Variants in TNS3 observed in about 807,000 individuals in gnomAD.
TNS3 encodes tensin-3.
A neutral mutation model predicts 140.9 loss-of-function variants in TNS3; 45 were observed. The ratio of observed to expected loss-of-function variants is 0.32; its 90% CI spans 0.25 to 0.41. The LOEUF is 0.41. Ranked by LOEUF, TNS3 falls within the 10% of genes least tolerant of loss-of-function variation. TNS3 has a pLI of 1.00. For missense variants in TNS3, 1,716 were observed against 1,906.7 expected, an observed-to-expected ratio of 0.90 and a Z score of 1.86; for synonymous variants, 815 against 788.4, an observed-to-expected ratio of 1.03 and a Z score of -0.56.
chr7:47,324,508 T>G (rs1452339277), intron 20 of TNS3, among the ~76,000 whole-genome samples: 1 of 152,130 alleles, frequency 6.6e-6, no homozygotes, highest in African/African-American at 2.4e-5. Context: ...TCCCAGCACT[T>G]TAGGAGGCGG....
At chr7:47,320,106 T>A (rs1230040194) in intron 20 of TNS3, among the ~76,000 whole-genome samples, 3 of 152,202 alleles carry the variant, frequency 2.0e-5, no homozygotes, top group Non-Finnish European at 4.4e-5. Context: ...ACATAAGTTA[T>A]CTTTATAAAT....
Position 47,327,151 on chromosome 7 carries a change from G to A in TNS3, c.2650+17604C>T, listed in dbSNP as rs144505587. On this transcript the variant is annotated intron_variant, in intron 20 of 30. Coordinates refer to ENST00000311160, the MANE Select transcript of TNS3 (RefSeq NM_022748.12). ...GCTGACTCTCCCAGGGTCCCACAGA[G>A]CCCCAGCCCCAGTTCAGACATTTGG... is the stretch of plus-strand genomic sequence containing the variant. Among the ~76,000 whole-genome samples the A allele has an allele frequency of 3.7e-3, 570 of 152,352 alleles. 2 individuals are homozygous for A. Among genetic ancestry groups the A allele is most frequent in the Admixed American group, 6.8e-3 (104 of 15,306 alleles).
intron 16 of TNS3, among the ~76,000 whole-genome samples, chr7:47,396,343 T>C (rs1584560609): frequency 6.6e-6 from 1 of 152,220 alleles, no homozygotes; most frequent in Non-Finnish European, 1.5e-5. Flanking sequence ...ATTTAAATGA[T>C]ACAGCCATAA....
chr7:47,416,579 G>A (rs553243377), intron 10 of TNS3, among the ~76,000 whole-genome samples: 19 of 152,076 alleles, frequency 1.2e-4, no homozygotes, highest in Non-Finnish European at 2.1e-4. Context: ...TCAGAACAGG[G>A]CAAAACCTCA....
chr7:47,502,491 G>A (rs1224257524), intron 3 of TNS3, among the ~76,000 whole-genome samples: 1 of 152,208 alleles, frequency 6.6e-6, no homozygotes, highest in Non-Finnish European at 1.5e-5. Flanking sequence ...GGCCTGTCTG[G>A]TGGAAGTGAA....
At chr7:47,457,627 C>T (rs1796313772) in intron 4 of TNS3, among the ~76,000 whole-genome samples, 1 of 152,230 alleles carries the variant, frequency 6.6e-6, no homozygotes, top group Admixed American at 6.5e-5. Context: ...TCCTGCCACT[C>T]AAGCACCTAG....
At chr7:47,384,733 TC>T (rs1221258192) in intron 16 of TNS3, among the ~76,000 whole-genome samples, 1 of 151,920 alleles carries the variant, frequency 6.6e-6, no homozygotes, top group Non-Finnish European at 1.5e-5. Flanking sequence ...CACAGTGGAG[TC>T]ACAGCCAATG....
rs1246020952 is a variant in TNS3 at position 47,368,938 on chromosome 7, G to A, written c.1708C>T (p.Pro570Ser). The change falls in exon 17 of 31, where the codon CCC (proline) becomes TCC (serine). Residue 570 changes from proline to serine, a missense_variant. By Grantham distance (74) the Pro-to-Ser change is moderately conservative. Around this residue, in one of 3 missense-constraint regions of TNS3, gnomAD observed 1,163 missense variants for 1,182.1 expected, o/e 0.98. Coordinates refer to ENST00000311160, the MANE Select transcript of TNS3 (RefSeq NM_022748.12). ...PKQPQPLLRK[P>S]SVSAQMQAYG... The stretch of plus-strand genomic sequence containing the variant: ...GCCTGCATCTGGGCGGACACTGAGG[G>A]CTTTCTCAGCAGGGGCTGGGGCTGC... 1 of 1,613,492 alleles carries A rather than the reference G, an allele frequency of 6.2e-7. No homozygotes were observed. Among genetic ancestry groups the A allele is most frequent in the Non-Finnish European group, 8.5e-7 (1 of 1,179,818 alleles).
intron 20 of TNS3, among the ~76,000 whole-genome samples, chr7:47,310,739 G>A (rs895002900): frequency 1.3e-5 from 2 of 152,190 alleles, no homozygotes; most frequent in Non-Finnish European, 1.5e-5. Flanking sequence ...AGTCCATTAA[G>A]AATAATCAAA....
At chr7:47,279,715 A>G in intron 30 of TNS3, 1 of 168,866 alleles carries the variant, frequency 5.9e-6, no homozygotes, top group Non-Finnish European at 1.3e-5. Context: ...AAAAAAAAAA[A>G]AACTCTAACA....
rs949571317 is a variant in TNS3, at chr7:47,481,104, T to G, written c.-77A>C. On this transcript the variant is annotated splice_region_variant and 5_prime_UTR_variant, in exon 4 of 31. Coordinates refer to ENST00000311160, the MANE Select transcript of TNS3 (RefSeq NM_022748.12). ...GCCAAAGAAATGCAAAGGGCTTACC[T>G]GTTCCAGTCGGACTTGCACACCGCA... 1 of 1,289,846 alleles carries G rather than the reference T, an allele frequency of 7.8e-7. No homozygotes were observed. Among genetic ancestry groups the G allele is most frequent in the South Asian group, 1.2e-5 (1 of 81,026 alleles). The allele number at this position is 1,289,846 out of a possible 1,614,324, so 79.9% of individuals were successfully genotyped here.
chr7:47,505,676 G>C (rs1798389018), intron 3 of TNS3, among the ~76,000 whole-genome samples: 1 of 152,222 alleles, frequency 6.6e-6, no homozygotes, highest in Non-Finnish European at 1.5e-5. Context: ...AGTCTCTTGG[G>C]AGAAAAGAAA....
At chr7:47,538,533 G>A (rs569582235) in intron 1 of TNS3, among the ~76,000 whole-genome samples, 5 of 152,334 alleles carry the variant, frequency 3.3e-5, no homozygotes, top group Admixed American at 2.6e-4. Flanking sequence ...GTGGGGAGCA[G>A]TCTGGGTGGG....
chr7:47,318,587 C>G (rs1360907563), intron 20 of TNS3, among the ~76,000 whole-genome samples: 1 of 152,146 alleles, frequency 6.6e-6, no homozygotes, highest in Non-Finnish European at 1.5e-5. Context: ...CCATCTGACC[C>G]TCCTCAGGGA....
At chr7:47,434,690 CCAGGAGGAGGAG>C in intron 8 of TNS3, among the ~76,000 whole-genome samples, 1 of 152,206 alleles carries the variant, frequency 6.6e-6, no homozygotes, top group Non-Finnish European at 1.5e-5. Flanking sequence ...CCCGATGCAG[CCAGGAGGAGGAG>C]TGCCCACCAG....
intron 15 of TNS3, among the ~76,000 whole-genome samples, chr7:47,399,896 G>A (rs1297493882): frequency 6.6e-6 from 1 of 151,760 alleles, no homozygotes; most frequent in African/African-American, 2.4e-5. Flanking sequence ...AACCCACAGA[G>A]TGAGACAGAA....
intron 3 of TNS3, among the ~76,000 whole-genome samples, chr7:47,506,239 A>C (rs1342386109): frequency 1.3e-5 from 2 of 152,184 alleles, no homozygotes; most frequent in African/African-American, 2.4e-5. Flanking sequence ...AGGAGATCTG[A>C]AGGTGCGAGC....
At chr7:47,283,146 C>T (rs1190508807) in intron 28 of TNS3, among the ~76,000 whole-genome samples, 1 of 152,242 alleles carries the variant, frequency 6.6e-6, no homozygotes, top group Non-Finnish European at 1.5e-5. Context: ...GAGACAGGAA[C>T]AGCCCTGTGG....
At chr7:47,490,671 A>G (rs1295651992) in intron 3 of TNS3, among the ~76,000 whole-genome samples, 1 of 152,192 alleles carries the variant, frequency 6.6e-6, no homozygotes, top group Non-Finnish European at 1.5e-5. Flanking sequence ...GACACCTACA[A>G]GGGGGCACCG....
Sources: gnomAD v4.1 joint callset for allele counts (sites outside exome capture counted in the v4.1 genomes callset) on GRCh38, gnomAD v4.1.1 for gene constraint, gnomAD v4.1.1 regional missense constraint, MANE v1.5 for transcripts, NCBI Gene and HGNC (gene_info 2026-07-23, HGNC 2026-07-21) for gene names.